Variants in TRPM3 observed in about 807,000 individuals in gnomAD.
The protein encoded by TRPM3 is long transient receptor potential channel 3.
TRPM3 carries 77 observed loss-of-function variants against 181.2 expected under a neutral mutation model. The observed-to-expected ratio is 0.42, with a 90% CI of 0.35 to 0.51. The LOEUF (loss-of-function observed/expected upper bound fraction) is 0.51, where lower values mean the gene tolerates loss of function less well. Among genes scored for constraint, TRPM3 ranks in the 20% least tolerant of loss-of-function variants. The pLI, the probability that TRPM3 is intolerant of heterozygous loss-of-function variation, is 0.01. For missense variants in TRPM3, 1,759 were observed against 2,196.7 expected (o/e 0.80, Z 3.98); for synonymous variants, 745 against 796.4 (o/e 0.94, Z 1.09).
intron 1 of TRPM3, among the ~76,000 whole-genome samples, chr9:71,380,701 C>A (rs1028534048): frequency 6.6e-6 from 1 of 152,018 alleles, no homozygotes; most frequent in Non-Finnish European, 1.5e-5. Context: ...AAATAAGGTT[C>A]ATTTTTCCTG....
At position 70,535,646 on chromosome 9, in the gene TRPM3, C is replaced by G; in HGVS notation, c.*307G>C. 2 of 1,446,510 alleles carry G rather than the reference C, an allele frequency of 1.4e-6. No homozygotes were observed. The highest frequency in any genetic ancestry group is 1.5e-5 in the South Asian group (1 of 67,338). 89.6% of individuals were successfully genotyped at this position (1,446,510 alleles called of 1,614,324 possible). ...CTCGAAGCCCCTTGTTTCCCCTGCT[C>G]TCATGGCTTTCTGCTGTGACTGCGG... On this transcript the variant is annotated 3_prime_UTR_variant, in exon 26 of 26. Coordinates refer to ENST00000677713, the MANE Select transcript of TRPM3 (RefSeq NM_001366145.2).
intron 9 of TRPM3, among the ~76,000 whole-genome samples, chr9:70,674,092 C>T (rs117744783): frequency 0.014 from 2,101 of 152,166 alleles, 30 homozygotes; most frequent in Non-Finnish European, 0.022. Context: ...AAGCAATCAT[C>T]CATGTGGTAT....
chr9:70,598,550 G>A lies in TRPM3; in HGVS notation c.2917C>T (p.Gln973Ter), dbSNP rs751857604. 1.2e-6 allele frequency: 2 copies of A among 1,614,226 alleles called. No homozygotes were observed. Among genetic ancestry groups the A allele is most frequent in the Non-Finnish European group, 1.7e-6 (2 of 1,180,044 alleles). ...CCGTCACTCCTGAAGGGCTGGTCTT[G>A]GAGACGAAGGATCATTCCGACAGAA... Reference protein sequence around the residue: ...LFSVGMILRLQDQPFRSDGRV... With the variant: ...LFSVGMILRL The change falls in exon 21 of 26, where the codon CAA becomes TAA. Residue 973 changes from glutamine (Q) to a stop codon, truncating the protein, a stop_gained. Transcript: ENST00000677713. LOFTEE classifies it high-confidence loss of function.
At chr9:71,179,008 T>C (rs2134882024) in intron 1 of TRPM3, among the ~76,000 whole-genome samples, 1 of 152,334 alleles carries the variant, frequency 6.6e-6, no homozygotes, top group Admixed American at 6.5e-5. Flanking sequence ...TTTAAACTTT[T>C]ATTAAATAGA....
At chr9:70,626,200 G>A (rs139825652) in intron 12 of TRPM3, among the ~76,000 whole-genome samples, 20 of 152,166 alleles carry the variant, frequency 1.3e-4, no homozygotes, top group Admixed American at 5.9e-4. Context: ...TAAAGTTTAG[G>A]TTCTTAAGAA....
intron 1 of TRPM3, among the ~76,000 whole-genome samples, chr9:71,243,552 A>T (rs1258666270): frequency 6.6e-6 from 1 of 152,190 alleles, no homozygotes; most frequent in Non-Finnish European, 1.5e-5. Flanking sequence ...TGTAACCTTT[A>T]TGAGAGCAGG....
At chr9:71,179,382 A>G (rs1180541646) in intron 1 of TRPM3, among the ~76,000 whole-genome samples, 1 of 152,126 alleles carries the variant, frequency 6.6e-6, no homozygotes, top group Non-Finnish European at 1.5e-5. Context: ...GTCTGGCAAA[A>G]CAGCAAGGTG....
At chr9:70,636,212 G>T (rs956083397) in intron 11 of TRPM3, among the ~76,000 whole-genome samples, 2 of 151,408 alleles carry the variant, frequency 1.3e-5, no homozygotes, top group African/African-American at 2.4e-5. Context: ...GGCACAGAAA[G>T]TCAAATTTCA....
chr9:71,376,742 T>C (rs2092676374), intron 1 of TRPM3, among the ~76,000 whole-genome samples: 1 of 152,098 alleles, frequency 6.6e-6, no homozygotes, highest in Non-Finnish European at 1.5e-5. Flanking sequence ...TTTATTCAAT[T>C]ATATTCTAGT....
At chr9:70,992,869 C>T (rs1479441226) in intron 1 of TRPM3, among the ~76,000 whole-genome samples, 1 of 152,148 alleles carries the variant, frequency 6.6e-6, no homozygotes, top group African/African-American at 2.4e-5. Flanking sequence ...TGTTGAGTCA[C>T]TGAGGTGTCG....
chr9:71,446,925 G>A (rs182718990), upstream of TRPM3: 16 of 1,312,746 alleles, frequency 1.2e-5, no homozygotes, highest in South Asian at 3.3e-5. Context: ...GCCTGCGCGC[G>A]GCTCTCGGTT....
chr9:71,110,825 T>C (rs1023158754), intron 1 of TRPM3, among the ~76,000 whole-genome samples: 9 of 152,224 alleles, frequency 5.9e-5, no homozygotes, highest in African/African-American at 1.7e-4. Context: ...CTTTAAATTA[T>C]ATAGCTTGCT....
At chr9:71,413,055 A>G (rs928221312) in intron 1 of TRPM3, among the ~76,000 whole-genome samples, 2 of 152,124 alleles carry the variant, frequency 1.3e-5, no homozygotes, top group South Asian at 4.2e-4. Context: ...CAATGAGAAC[A>G]CTTGGACACA....
intron 1 of TRPM3, among the ~76,000 whole-genome samples, chr9:71,008,100 C>A (rs556251220): frequency 6.6e-6 from 1 of 151,792 alleles, no homozygotes; most frequent in African/African-American, 2.4e-5. Context: ...ACAACTGATA[C>A]CACAAAATAG....
chr9:71,111,742 A>G (rs1185613431), intron 1 of TRPM3, among the ~76,000 whole-genome samples: 1 of 152,230 alleles, frequency 6.6e-6, no homozygotes, highest in Non-Finnish European at 1.5e-5. Flanking sequence ...AATATTTCTT[A>G]TGGAAGCCTA....
At chr9:70,806,154 T>C (rs2090623381) in intron 6 of TRPM3, among the ~76,000 whole-genome samples, 1 of 152,152 alleles carries the variant, frequency 6.6e-6, no homozygotes, top group Non-Finnish European at 1.5e-5. Context: ...GATTTAGGAC[T>C]TGAATGTTTG....
At chr9:71,353,524 C>T (rs1232535796) in intron 1 of TRPM3, among the ~76,000 whole-genome samples, 1 of 152,178 alleles carries the variant, frequency 6.6e-6, no homozygotes, top group Non-Finnish European at 1.5e-5. Context: ...CAGGGCATCT[C>T]ATCACTACCT....
chr9:71,361,891 CT>C (rs368570208), intron 1 of TRPM3, among the ~76,000 whole-genome samples: 17 of 148,754 alleles, frequency 1.1e-4, no homozygotes, highest in African/African-American at 1.5e-4. Context: ...TGAAATCTTG[CT>C]TTTTTTTTTA....
At chr9:71,096,157 C>G (rs1012177078) in intron 1 of TRPM3, among the ~76,000 whole-genome samples, 1 of 151,770 alleles carries the variant, frequency 6.6e-6, no homozygotes, top group African/African-American at 2.4e-5. Context: ...TTGCTCCCAT[C>G]TTAAAATAGA....
Sources: allele counts gnomAD v4.1 joint callset (sites outside exome capture counted in the v4.1 genomes callset), GRCh38; gene constraint gnomAD v4.1.1; transcripts MANE v1.5; gene names NCBI Gene and HGNC (gene_info 2026-07-23, HGNC 2026-07-21).